Variants in MSI2 observed in about 807,000 individuals in gnomAD.
MSI2 encodes the protein musashi RNA binding protein 2.
In MSI2, 17 loss-of-function variants were observed where a neutral mutation model predicts 45.6. That is an observed-to-expected ratio of 0.37 (90% CI 0.26 to 0.56). The LOEUF (loss-of-function observed/expected upper bound fraction) is 0.56. MSI2 is among the 20% of genes least tolerant of loss of function. MSI2 has a pLI of 0.77. For synonymous variants in MSI2, 156 were observed against 158.2 expected, an observed-to-expected ratio of 0.99 and a Z score of 0.11; for missense variants, 293 against 444.2, an observed-to-expected ratio of 0.66 and a Z score of 3.06.
intron 5 of MSI2, among the ~76,000 whole-genome samples, chr17:57,375,862 A>G (rs894945215): frequency 6.6e-6 from 1 of 152,066 alleles, no homozygotes; most frequent in African/African-American, 2.4e-5. Flanking sequence ...TTACAGGTAG[A>G]TGTCTGTTCC....
chr17:57,552,661 T>G lies in MSI2; in HGVS notation c.454+22937T>G, dbSNP rs2087334743. 6.6e-6 allele frequency among the ~76,000 whole-genome samples: 1 copy of G among 152,210 alleles called. No homozygotes were observed. On this transcript the variant is annotated intron_variant, in intron 7 of 13. Coordinates refer to ENST00000284073, the MANE Select transcript of MSI2 (RefSeq NM_138962.4). This position sits in a 1 kb window ranked among gnomAD's most constrained non-coding sequence, Gnocchi z 4.3. The stretch of plus-strand genomic sequence containing the variant: ...TTGAAGTTTTTCTACAACCAGAAGG[T>G]GATTCTCTGGCTTCTGAGCTTCACC...
chr17:57,695,903 CT>C, the MSI2 span, among the ~76,000 whole-genome samples: 20 of 152,186 alleles, frequency 1.3e-4, no homozygotes, highest in African/African-American at 4.6e-4. Context: ...CCTCTCCTCA[CT>C]GTGCGTGTGT....
intron 5 of MSI2, among the ~76,000 whole-genome samples, chr17:57,276,844 T>G (rs1908888258): frequency 6.6e-6 from 1 of 152,034 alleles, no homozygotes; most frequent in Admixed American, 6.5e-5. Context: ...GTGCCGAGGC[T>G]CAAGGTTTCC....
chr17:57,582,718 C>T (rs566651880), intron 7 of MSI2, among the ~76,000 whole-genome samples: 1 of 152,276 alleles, frequency 6.6e-6, no homozygotes, highest in Admixed American at 6.5e-5. Context: ...TGTAAATTTC[C>T]ATCTTCCCTG....
At position 57,302,154 on chromosome 17, in the gene MSI2, C is replaced by T. The variant is rs150850857; in HGVS notation, c.312+39962C>T. On this transcript the variant is annotated intron_variant, in intron 5 of 13. Coordinates refer to ENST00000284073, the MANE Select transcript of MSI2 (RefSeq NM_138962.4). ...CTTTTACATACTTTTGGGGTACATA[C>T]GATATTTTGATATGTGTATACAGTC... 3.2e-4 allele frequency among the ~76,000 whole-genome samples: 48 copies of T among 152,212 alleles called. No homozygotes were observed. The East Asian group carries it at 8.3e-3, about 26-fold the overall frequency.
chr17:57,442,458 G>A (rs1450576192), intron 6 of MSI2, among the ~76,000 whole-genome samples: 4 of 152,152 alleles, frequency 2.6e-5, no homozygotes, highest in Admixed American at 6.5e-5. Context: ...TTTTTGTGTG[G>A]GCGTTTATTT....
chr17:57,374,707 A>T (rs989191514), intron 5 of MSI2, among the ~76,000 whole-genome samples: 1 of 152,192 alleles, frequency 6.6e-6, no homozygotes, highest in Non-Finnish European at 1.5e-5. Context: ...TGAACCCAGG[A>T]GGCAGAGGTT....
rs1234249673 is a variant in MSI2, at chr17:57,652,387, G to A, written c.790+226G>A. The stretch of plus-strand genomic sequence containing the variant: ...CACAGTCATGGGACTGCAAACTAAA[G>A]GCAGATTATTATTCTCTCCTTGAAA... On this transcript the variant is annotated intron_variant, in intron 11 of 13. Transcript: ENST00000284073. This position sits in a 1 kb window ranked among gnomAD's most constrained non-coding sequence, Gnocchi z 4.1. 1.3e-5 allele frequency among the ~76,000 whole-genome samples: 2 copies of A among 152,164 alleles called. No individual in the cohort carries two copies. Among genetic ancestry groups the A allele is most frequent in the East Asian group, 3.9e-4 (2 of 5,186 alleles).
At chr17:57,426,164 G>T (rs2084488162) in intron 6 of MSI2, among the ~76,000 whole-genome samples, 1 of 152,124 alleles carries the variant, frequency 6.6e-6, no homozygotes. Flanking sequence ...AAAAATGGTG[G>T]CAAATAAAAT....
At position 57,679,952 on chromosome 17, in the gene MSI2, AT is replaced by A. The variant is rs35099114; in HGVS notation, c.*444del. The A allele has an allele frequency of 0.039, 8,355 of 212,436 alleles. 647 individuals are homozygous for A. The highest frequency in any genetic ancestry group is 0.17 in the African/African-American group (7,543 of 44,292). The allele number at this position is 212,436 out of a possible 1,614,324, so 13.2% of individuals were successfully genotyped here. On this transcript the variant is annotated 3_prime_UTR_variant, in exon 14 of 14. Transcript: ENST00000284073. Reference sequence around the variant, plus strand: ...TTAAGGAGTTATTTTTTCTTAAAACATTTTTTTTTGCTTGTTTTGGTTCTGT... The same window carrying A: ...TTAAGGAGTTATTTTTTCTTAAAACATTTTTTTTGCTTGTTTTGGTTCTGT...
At chr17:57,489,354 G>A (rs1278861762) in intron 6 of MSI2, among the ~76,000 whole-genome samples, 1 of 152,200 alleles carries the variant, frequency 6.6e-6, no homozygotes, top group African/African-American at 2.4e-5. Context: ...AGTGAGGGCT[G>A]GAGACTTTGG....
chr17:57,668,561 T>C (rs1330431326), intron 11 of MSI2, among the ~76,000 whole-genome samples: 2 of 152,144 alleles, frequency 1.3e-5, no homozygotes, highest in East Asian at 3.9e-4. Flanking sequence ...CCATTGTCAC[T>C]GACATTTGGA....
At chr17:57,666,259 A>G (rs780478585) in intron 11 of MSI2, among the ~76,000 whole-genome samples, 1 of 152,252 alleles carries the variant, frequency 6.6e-6, no homozygotes, top group Non-Finnish European at 1.5e-5. Context: ...TGTCTGAGAC[A>G]CTGTGTGGCA....
intron 6 of MSI2, among the ~76,000 whole-genome samples, chr17:57,439,337 C>T (rs1003548856): frequency 1.3e-5 from 2 of 152,104 alleles, no homozygotes; most frequent in Non-Finnish European, 1.5e-5. Context: ...TGTGGCATGT[C>T]GTAGTCAAAC....
At chr17:57,397,950 C>G (rs973603204) in intron 5 of MSI2, among the ~76,000 whole-genome samples, 1 of 152,120 alleles carries the variant, frequency 6.6e-6, no homozygotes, top group South Asian at 2.1e-4. Flanking sequence ...GTTTTAGTAA[C>G]TTGGACACTT....
At chr17:57,574,254 C>T (rs1483870254) in intron 7 of MSI2, among the ~76,000 whole-genome samples, 1 of 152,212 alleles carries the variant, frequency 6.6e-6, no homozygotes, top group Non-Finnish European at 1.5e-5. Context: ...TTTGCTGAGG[C>T]CTCCACCACT....
chr17:57,409,720 G>A (rs2084151795), intron 6 of MSI2, among the ~76,000 whole-genome samples: 1 of 152,142 alleles, frequency 6.6e-6, no homozygotes, highest in African/African-American at 2.4e-5. Flanking sequence ...AGATGAAAGA[G>A]TGTGGGGCAC....
rs557501961 is a variant in MSI2, at chr17:57,452,459, C to T, written c.405+50988C>T. On this transcript the variant is annotated intron_variant, in intron 6 of 13. Coordinates refer to ENST00000284073, the MANE Select transcript of MSI2 (RefSeq NM_138962.4). ...GCCTTTTGCCTGCTGGTTGGTGTGC[C>T]CCATGCCAGGCCAGAGGCCTGTTAG... 2.6e-5 allele frequency among the ~76,000 whole-genome samples: 4 copies of T among 152,352 alleles called. No homozygotes were observed. The South Asian group carries it at 8.3e-4, about 32-fold the overall frequency.
At chr17:57,462,432 G>A (rs1050049836) in intron 6 of MSI2, among the ~76,000 whole-genome samples, 1 of 152,158 alleles carries the variant, frequency 6.6e-6, no homozygotes, top group African/African-American at 2.4e-5. Context: ...TTGTGCCCAC[G>A]TGACCCCAGA....
Sources: allele counts gnomAD v4.1 joint callset (sites outside exome capture counted in the v4.1 genomes callset), GRCh38; gene constraint gnomAD v4.1.1; non-coding constraint Gnocchi (gnomAD v3.1); transcripts MANE v1.5; gene names NCBI Gene and HGNC (gene_info 2026-07-23, HGNC 2026-07-21).